MMP26: variants seen among roughly 807,000 people sequenced by gnomAD.
MMP26 encodes matrix metalloproteinase-26.
MMP26 carries 33 observed loss-of-function variants against 31.0 expected under a neutral mutation model. The observed-to-expected ratio is 1.06, with a 90% confidence interval of 0.81 to 1.42. The LOEUF (loss-of-function observed/expected upper bound fraction) is 1.42. MMP26 is among the 40% of genes most tolerant of loss of function. MMP26 has a pLI of 0.00. For synonymous variants in MMP26, 122 were observed against 114.9 expected (o/e 1.06, Z -0.40); for missense variants, 347 against 316.1 (o/e 1.10, Z -0.74).
intron 2 of MMP26, among the ~76,000 whole-genome samples, chr11:4,960,250 T>C (rs959441109): frequency 6.6e-6 from 1 of 152,140 alleles, no homozygotes; most frequent in African/African-American, 2.4e-5. Context: ...GAATGGTGAC[T>C]ACATTCACGT....
At chr11:4,724,026 G>C (rs962025518) in intron 1 of MMP26, 11 of 682,564 alleles carry the variant, frequency 1.6e-5, no homozygotes, top group African/African-American at 1.6e-4. Flanking sequence ...CTCCACCCAG[G>C]CTACCCCGGA....
At chr11:4,846,779 A>G (rs953998907) in intron 2 of MMP26, among the ~76,000 whole-genome samples, 6 of 152,254 alleles carry the variant, frequency 3.9e-5, no homozygotes, top group African/African-American at 1.2e-4. Flanking sequence ...CATGTGATTA[A>G]TTGTATTGGC....
chr11:4,847,115 C>T (rs113294135), intron 2 of MMP26, among the ~76,000 whole-genome samples: 206 of 152,332 alleles, frequency 1.4e-3, no homozygotes, highest in African/African-American at 4.7e-3. Context: ...TCAAACCCTG[C>T]AGCAAAATCA....
At chr11:4,746,038 T>C (rs1848375895) in intron 1 of MMP26, among the ~76,000 whole-genome samples, 1 of 152,224 alleles carries the variant, frequency 6.6e-6, no homozygotes, top group South Asian at 2.1e-4. Context: ...CCTTGTACTA[T>C]AGTTGTTATG....
At chr11:4,804,231 A>G (rs1472138818) in intron 2 of MMP26, 1 of 1,613,922 alleles carries the variant, frequency 6.2e-7, no homozygotes, top group African/African-American at 1.3e-5. Context: ...TTCTGATTAC[A>G]TGGAGGAGAG....
At chr11:4,905,177 A>G (rs1022479719) in intron 2 of MMP26, among the ~76,000 whole-genome samples, 1 of 152,116 alleles carries the variant, frequency 6.6e-6, no homozygotes, top group African/African-American at 2.4e-5. Context: ...ACAGTCCAGC[A>G]AATAACAGGA....
chr11:4,880,830 G>A (rs138535423), intron 2 of MMP26, among the ~76,000 whole-genome samples: 234 of 152,216 alleles, frequency 1.5e-3, no homozygotes, highest in Middle Eastern at 6.8e-3. Flanking sequence ...TCTGAATTGT[G>A]GAGGAAATAT....
intron 1 of MMP26, among the ~76,000 whole-genome samples, chr11:4,726,578 G>T (rs1848103546): frequency 6.6e-6 from 1 of 152,198 alleles, no homozygotes; most frequent in Non-Finnish European, 1.5e-5. Flanking sequence ...AGCCAATGAA[G>T]CTTCTCTCTA....
intron 1 of MMP26, among the ~76,000 whole-genome samples, chr11:4,744,605 AT>A (rs1848355881): frequency 6.6e-6 from 1 of 152,156 alleles, no homozygotes; most frequent in Non-Finnish European, 1.5e-5. Flanking sequence ...TATGAGGATC[AT>A]TTACCTCGCC....
At chr11:4,974,994 C>T (rs1217492626) in intron 2 of MMP26, among the ~76,000 whole-genome samples, 2 of 151,972 alleles carry the variant, frequency 1.3e-5, no homozygotes, top group Admixed American at 1.3e-4. Context: ...GGAGAAATAG[C>T]TAATGCATGC....
At chr11:4,890,310 G>T in intron 2 of MMP26, 1 of 155,976 alleles carries the variant, frequency 6.4e-6, no homozygotes, top group South Asian at 1.8e-4. Flanking sequence ...GCGAGCATTT[G>T]AGGAGATTCC....
intron 2 of MMP26, among the ~76,000 whole-genome samples, chr11:4,894,902 C>T (rs1200344647): frequency 6.6e-6 from 1 of 152,096 alleles, no homozygotes; most frequent in Non-Finnish European, 1.5e-5. Context: ...CTTGTTTAAA[C>T]TTGAAAATAT....
At chr11:4,907,095 T>TAAAAAAAAA (rs3065178) in intron 2 of MMP26, among the ~76,000 whole-genome samples, 770 of 55,062 alleles carry the variant, frequency 0.014, 68 homozygotes, top group Middle Eastern at 0.031. Context: ...AAACTCCCTC[T>TAAAAAAAAA]AAAAAAAAAA....
chr11:4,945,566 G>A (rs990159945), intron 2 of MMP26: 1 of 154,904 alleles, frequency 6.5e-6, no homozygotes, highest in Admixed American at 6.3e-5. Flanking sequence ...ATAAGGCAGG[G>A]AACTTAGCAA....
At chr11:4,907,224 G>T in intron 2 of MMP26, 1 of 587,634 alleles carries the variant, frequency 1.7e-6, no homozygotes, top group Non-Finnish European at 3.0e-6. Context: ...TTTGAAGAGT[G>T]CAGTTGATTA....
At chr11:4,899,993 C>A (rs1056697438) in intron 2 of MMP26, among the ~76,000 whole-genome samples, 24 of 152,072 alleles carry the variant, frequency 1.6e-4, no homozygotes, top group African/African-American at 5.1e-4. Context: ...CTAATCATTG[C>A]AGTCAAAGCT....
intron 2 of MMP26, among the ~76,000 whole-genome samples, chr11:4,900,246 A>C (rs2133557840): frequency 6.6e-6 from 1 of 152,258 alleles, no homozygotes; most frequent in South Asian, 2.1e-4. Flanking sequence ...GGTGGATCAA[A>C]CCCTTTGTAA....
intron 2 of MMP26, among the ~76,000 whole-genome samples, chr11:4,786,546 A>T (rs1486557183): frequency 2.6e-5 from 3 of 116,916 alleles, no homozygotes; most frequent in African/African-American, 1.0e-4. Flanking sequence ...GTGAGATAGG[A>T]TGAGGTAGGA....
At chr11:4,791,732 T>C (rs1849031112) in intron 2 of MMP26, among the ~76,000 whole-genome samples, 1 of 152,138 alleles carries the variant, frequency 6.6e-6, no homozygotes, top group African/African-American at 2.4e-5. Flanking sequence ...TAATATATAA[T>C]GAATTGAGTA....
Sources: allele counts gnomAD v4.1 joint callset (sites outside exome capture counted in the v4.1 genomes callset), GRCh38; gene constraint gnomAD v4.1.1; transcripts MANE v1.5; gene names NCBI Gene and HGNC (gene_info 2026-07-23, HGNC 2026-07-21).